DIP2C: variants seen among roughly 807,000 people sequenced by gnomAD.
DIP2C encodes the protein DIP2 acetate--CoA ligase C (putative), also known as disco-interacting protein 2 homolog C.
A neutral mutation model predicts 192.4 loss-of-function variants in DIP2C; 33 were observed. That is an observed-to-expected ratio of 0.17 (90% CI 0.13 to 0.23). The LOEUF (loss-of-function observed/expected upper bound fraction) is 0.23, where lower values mean the gene tolerates loss of function less well. Among genes scored for constraint, DIP2C ranks in the 10% least tolerant of loss-of-function variants. The pLI is 1.00. For synonymous variants in DIP2C, 979 were observed against 864.1 expected, an observed-to-expected ratio of 1.13 and a Z score of -2.33; for missense variants, 1,537 against 2,110.1, an observed-to-expected ratio of 0.73 and a Z score of 5.32.
chr10:449,128 A>G (rs926447038), intron 3 of DIP2C, among the ~76,000 whole-genome samples: 18 of 151,378 alleles, frequency 1.2e-4, no homozygotes, highest in African/African-American at 4.4e-4. Flanking sequence ...CCCTGTTGAT[A>G]CTCAGGATCA....
intron 1 of DIP2C, among the ~76,000 whole-genome samples, chr10:528,074 C>G (rs1329923825): frequency 1.3e-5 from 2 of 152,160 alleles, no homozygotes; most frequent in Non-Finnish European, 2.9e-5. Context: ...CTGGAAGGAA[C>G]CTGGATCCCT....
chr10:593,079 C>A (rs12242013), intron 1 of DIP2C, among the ~76,000 whole-genome samples: 1 of 152,020 alleles, frequency 6.6e-6, no homozygotes, highest in Non-Finnish European at 1.5e-5. Flanking sequence ...CAGTAGTGGC[C>A]GGGAACGGTG....
chr10:500,212 C>A (rs1845128379), intron 1 of DIP2C, among the ~76,000 whole-genome samples: 1 of 152,254 alleles, frequency 6.6e-6, no homozygotes, highest in Non-Finnish European at 1.5e-5. Flanking sequence ...TCATCAGCGT[C>A]TGGGGCAAAG....
chr10:591,243 G>A (rs34029652), intron 1 of DIP2C, among the ~76,000 whole-genome samples: 1 of 152,064 alleles, frequency 6.6e-6, no homozygotes. Flanking sequence ...TCCTGCCTCA[G>A]CCTCCCGAGT....
intron 31 of DIP2C, among the ~76,000 whole-genome samples, chr10:313,437 A>C (rs1409960886): frequency 6.6e-6 from 1 of 152,054 alleles, no homozygotes; most frequent in African/African-American, 2.4e-5. Context: ...TGAGTTTCGC[A>C]TGTTTAGATT....
chr10:469,507 G>A (rs1424068519), intron 3 of DIP2C, among the ~76,000 whole-genome samples: 1 of 151,976 alleles, frequency 6.6e-6, no homozygotes, highest in Non-Finnish European at 1.5e-5. Context: ...CATAGAGATG[G>A]GGTTTCGCCA....
Position 277,258 on chromosome 10 carries a change from C to T in DIP2C, c.*67G>A, listed in dbSNP as rs1368008463. ...TGGTGAGTGTTGCCCTGTGTCTGCA[C>T]GCTTCAGTGGACACGGAGAACAATG... On this transcript the variant is annotated 3_prime_UTR_variant, in exon 37 of 37. Coordinates refer to ENST00000280886, the MANE Select transcript of DIP2C (RefSeq NM_014974.3). 9 of 1,578,584 alleles carry T rather than the reference C, an allele frequency of 5.7e-6. No homozygotes were observed. Among genetic ancestry groups the T allele is most frequent in the East Asian group, 4.5e-5 (2 of 44,676 alleles).
intron 26 of DIP2C, among the ~76,000 whole-genome samples, chr10:345,476 C>T (rs1218543177): frequency 6.6e-6 from 1 of 150,924 alleles, no homozygotes; most frequent in Non-Finnish European, 1.5e-5. Context: ...TCACACACAC[C>T]CAGGCACATC....
intron 1 of DIP2C, among the ~76,000 whole-genome samples, chr10:557,165 G>C (rs1444988123): frequency 6.6e-6 from 1 of 152,204 alleles, no homozygotes; most frequent in Non-Finnish European, 1.5e-5. Context: ...AGCAGCCCTG[G>C]GCAGGGATGT....
intron 2 of DIP2C, chr10:485,011 C>T (rs1843906091): frequency 2.0e-6 from 3 of 1,507,722 alleles, no homozygotes; most frequent in Non-Finnish European, 2.7e-6. Context: ...TTTGTTACAG[C>T]GCTGAGCAGA....
intron 1 of DIP2C, among the ~76,000 whole-genome samples, chr10:611,927 C>G (rs923087860): frequency 1.3e-5 from 2 of 152,202 alleles, no homozygotes; most frequent in Admixed American, 1.3e-4. Context: ...GTGTCCGAAT[C>G]CCTGTCCAAG....
intron 10 of DIP2C, among the ~76,000 whole-genome samples, chr10:395,164 A>T (rs12782630): frequency 1.6e-4 from 6 of 36,962 alleles, no homozygotes; most frequent in Non-Finnish European, 3.4e-4. Context: ...GAGGGAGGAC[A>T]TGGGGAGATG....
At chr10:561,952 T>TC (rs1249652776) in intron 1 of DIP2C, among the ~76,000 whole-genome samples, 1 of 152,226 alleles carries the variant, frequency 6.6e-6, no homozygotes, top group Non-Finnish European at 1.5e-5. Flanking sequence ...GCTGAGACCC[T>TC]CCTGCACCAG....
intron 1 of DIP2C, among the ~76,000 whole-genome samples, chr10:577,657 A>C (rs1296167651): frequency 6.6e-6 from 1 of 152,228 alleles, no homozygotes; most frequent in Non-Finnish European, 1.5e-5. Context: ...CCCTGCCTTC[A>C]AGGTGCTCAG....
intron 32 of DIP2C, among the ~76,000 whole-genome samples, chr10:300,105 T>C (rs1377032882): frequency 6.6e-6 from 1 of 152,148 alleles, no homozygotes; most frequent in African/African-American, 2.4e-5. Flanking sequence ...AGTATGGCAG[T>C]TCCTCCAGAA....
chr10:659,548 T>C (rs991348064), intron 1 of DIP2C, among the ~76,000 whole-genome samples: 6 of 152,228 alleles, frequency 3.9e-5, no homozygotes, highest in South Asian at 2.1e-4. Context: ...CACACATTCA[T>C]ACTCAAATAC....
chr10:277,695 C>A (rs749112351), intron 36 of DIP2C, 118 bp from the exon 37 acceptor site: 43 of 1,353,588 alleles, frequency 3.2e-5, no homozygotes, highest in Non-Finnish European at 4.1e-5. Flanking sequence ...CGACAGTCTC[C>A]TCCGGCCTCT....
intron 1 of DIP2C, among the ~76,000 whole-genome samples, chr10:568,207 C>G (rs976001886): frequency 1.4e-4 from 22 of 152,144 alleles, no homozygotes; most frequent in African/African-American, 5.1e-4. Context: ...CCAGGGGTAG[C>G]GAGTTCACAC....
intron 10 of DIP2C, among the ~76,000 whole-genome samples, chr10:392,372 C>T (rs1963536717): frequency 6.6e-6 from 1 of 152,166 alleles, no homozygotes; most frequent in Admixed American, 6.5e-5. Context: ...CAGGAGCCAA[C>T]CTTTCGCTAA....
Sources: gnomAD v4.1 joint callset for allele counts (sites outside exome capture counted in the v4.1 genomes callset) on GRCh38, gnomAD v4.1.1 for gene constraint, MANE v1.5 for transcripts, NCBI Gene and HGNC (gene_info 2026-07-23, HGNC 2026-07-21) for gene names.